Variants in XYLT1 observed in about 807,000 individuals in gnomAD.
The protein encoded by XYLT1 is beta-D-xylosyltransferase 1.
XYLT1 carries 36 observed loss-of-function variants against 91.3 expected under a neutral mutation model. The ratio of observed to expected loss-of-function variants is 0.39; its 90% CI spans 0.30 to 0.52. XYLT1 has a LOEUF of 0.52. Ranked by LOEUF, XYLT1 falls within the 20% of genes least tolerant of loss-of-function variation. XYLT1 has a pLI of 0.68. For synonymous variants in XYLT1, 588 were observed against 532.0 expected (o/e 1.11, Z -1.45); for missense variants, 1,242 against 1,284.5 (o/e 0.97, Z 0.51).
chr16:17,148,414 G>A (rs1423264831), intron 6 of XYLT1, among the ~76,000 whole-genome samples: 1 of 152,170 alleles, frequency 6.6e-6, no homozygotes, highest in African/African-American at 2.4e-5. Flanking sequence ...CTAGATGTAA[G>A]CTGCAAGATG....
At chr16:17,469,362 G>T (rs1208225596) in intron 1 of XYLT1, among the ~76,000 whole-genome samples, 1 of 152,236 alleles carries the variant, frequency 6.6e-6, no homozygotes, top group Non-Finnish European at 1.5e-5. Flanking sequence ...GAAACAGACA[G>T]ACACACAACA....
intron 3 of XYLT1, chr16:17,251,322 T>G (rs1003814170): frequency 2.0e-5 from 3 of 152,304 alleles, no homozygotes; most frequent in Admixed American, 1.3e-4. Flanking sequence ...CAATTTCCTT[T>G]GCCCATCACC....
chr16:17,139,000 A>AACAT (rs1482564543), intron 7 of XYLT1, among the ~76,000 whole-genome samples: 1 of 152,214 alleles, frequency 6.6e-6, no homozygotes, highest in Non-Finnish European at 1.5e-5. Flanking sequence ...GCCAGACGGC[A>AACAT]ACATAGGGAA....
chr16:17,381,172 G>A (rs1319396457), intron 1 of XYLT1, among the ~76,000 whole-genome samples: 1 of 152,102 alleles, frequency 6.6e-6, no homozygotes, highest in Non-Finnish European at 1.5e-5. Flanking sequence ...CTGTGGATGG[G>A]GTTTGGGGAA....
At chr16:17,211,886 G>A (rs1399927237) in intron 3 of XYLT1, among the ~76,000 whole-genome samples, 1 of 152,194 alleles carries the variant, frequency 6.6e-6, no homozygotes, top group Non-Finnish European at 1.5e-5. Context: ...TTGTTGTGGA[G>A]GGGACTGTCC....
rs775681990 is a variant in XYLT1, at chr16:17,108,669, C to T, written c.*26G>A. 1.3e-6 allele frequency: 2 copies of T among 1,534,488 alleles called. No individual in the cohort carries two copies. On this transcript the variant is annotated 3_prime_UTR_variant, in exon 12 of 12. Coordinates refer to ENST00000261381, the MANE Select transcript of XYLT1 (RefSeq NM_022166.4). ...TGGCTGCTTTCCCGTTGAGATCCTG[C>T]TGTGGCCCACTCCTCGTGCCCAGTG...
chr16:17,374,931 T>A (rs946687690), intron 1 of XYLT1, among the ~76,000 whole-genome samples: 3 of 152,178 alleles, frequency 2.0e-5, no homozygotes, highest in African/African-American at 7.2e-5. Context: ...TTCAACCCCA[T>A]AACCAGTGTG....
At chr16:17,367,037 C>T (rs560197066) in intron 1 of XYLT1, among the ~76,000 whole-genome samples, 4 of 152,060 alleles carry the variant, frequency 2.6e-5, no homozygotes, top group East Asian at 3.9e-4. Flanking sequence ...GTCTTCAGGT[C>T]GACTACTTTG....
intron 3 of XYLT1, chr16:17,251,089 C>T (rs2033531099): frequency 6.6e-6 from 1 of 152,194 alleles, no homozygotes; most frequent in African/African-American, 2.4e-5. Context: ...CCCCACTGCC[C>T]CCAGGGCAGG....
chr16:17,120,753 A>G (rs919803422), intron 10 of XYLT1, among the ~76,000 whole-genome samples: 4 of 152,124 alleles, frequency 2.6e-5, no homozygotes, highest in Non-Finnish European at 4.4e-5. Flanking sequence ...CATGCTCACC[A>G]ATATGTCTCT....
At chr16:17,216,557 A>T (rs1471396303) in intron 3 of XYLT1, among the ~76,000 whole-genome samples, 1 of 148,740 alleles carries the variant, frequency 6.7e-6, no homozygotes, top group Non-Finnish European at 1.5e-5. Flanking sequence ...TAATGCTGTC[A>T]CGTCACATAA....
At chr16:17,340,500 G>A (rs2035050972) in intron 2 of XYLT1, among the ~76,000 whole-genome samples, 1 of 152,178 alleles carries the variant, frequency 6.6e-6, no homozygotes, top group Non-Finnish European at 1.5e-5. Flanking sequence ...ATCACAGAAT[G>A]GTTAAATCTT....
At position 17,108,579 on chromosome 16, in the gene XYLT1, A is replaced by C; in HGVS notation, c.*116T>G. 9.9e-7 allele frequency: 1 copy of C among 1,006,838 alleles called. No homozygotes were observed. The highest frequency in any genetic ancestry group is 1.4e-6 in the Non-Finnish European group (1 of 712,462). 62.4% of individuals were successfully genotyped at this position (1,006,838 alleles called of 1,614,324 possible). On this transcript the variant is annotated 3_prime_UTR_variant, in exon 12 of 12. Coordinates refer to ENST00000261381, the MANE Select transcript of XYLT1 (RefSeq NM_022166.4). ...CCCTTTCCATCATTCTATGGCCAGG[A>C]GAGACCCATTCACAGAGGGCCTCCC...
chr16:17,139,743 T>C (rs572352049), intron 7 of XYLT1, among the ~76,000 whole-genome samples: 1 of 152,330 alleles, frequency 6.6e-6, no homozygotes, highest in Admixed American at 6.5e-5. Flanking sequence ...TGCAATATAA[T>C]GGATGAGGAG....
chr16:17,317,842 A>C lies in XYLT1; in HGVS notation c.402+40170T>G, dbSNP rs936457936. ...TTCCTCTCACTCATCAATATGTTTC[A>C]GCCACCACGGCGAGCTCATTCCTGC... is the stretch of plus-strand genomic sequence containing the variant. On this transcript the variant is annotated intron_variant, in intron 2 of 11. Coordinates refer to ENST00000261381, the MANE Select transcript of XYLT1 (RefSeq NM_022166.4). 1.4e-4 allele frequency among the ~76,000 whole-genome samples: 21 copies of C among 152,000 alleles called. 1 individual carries two copies. Among genetic ancestry groups the C allele is most frequent in the Admixed American group, 2.0e-4 (3 of 15,246 alleles).
chr16:17,389,068 G>A (rs1042190737), intron 1 of XYLT1, among the ~76,000 whole-genome samples: 4 of 152,200 alleles, frequency 2.6e-5, no homozygotes, highest in African/African-American at 4.8e-5. Context: ...GGGCAACACT[G>A]GTTCTTTGCA....
At chr16:17,377,533 G>T (rs774293505) in intron 1 of XYLT1, among the ~76,000 whole-genome samples, 2 of 152,030 alleles carry the variant, frequency 1.3e-5, no homozygotes, top group African/African-American at 4.8e-5. Flanking sequence ...CACTCCCCAA[G>T]AAGCTTATCA....
chr16:17,298,403 A>G (rs2034346921), intron 2 of XYLT1, among the ~76,000 whole-genome samples: 1 of 152,134 alleles, frequency 6.6e-6, no homozygotes, highest in Admixed American at 6.5e-5. Context: ...GAGTGCCCTC[A>G]CTGTTCCCAT....
chr16:17,125,021 C>A (rs1334223326), intron 10 of XYLT1, among the ~76,000 whole-genome samples: 3 of 152,076 alleles, frequency 2.0e-5, no homozygotes, highest in Admixed American at 1.3e-4. Context: ...TTAAGTTGGA[C>A]TTCACCTTTC....
Sources: allele counts gnomAD v4.1 joint callset (sites outside exome capture counted in the v4.1 genomes callset), GRCh38; gene constraint gnomAD v4.1.1; transcripts MANE v1.5; gene names NCBI Gene and HGNC (gene_info 2026-07-23, HGNC 2026-07-21).